The following SLC1A1 variants were observed in gnomAD, a reference collection of about 807,000 sequenced individuals.
The protein encoded by SLC1A1 is solute carrier family 1 member 1, also known as excitatory amino acid transporter 3.
In SLC1A1, 43 loss-of-function variants were observed where a neutral mutation model predicts 53.3. The observed-to-expected ratio is 0.81, with a 90% CI of 0.63 to 1.04. The LOEUF is 1.04. SLC1A1 is among the 50% of genes least tolerant of loss of function. The pLI is 0.00. For missense variants in SLC1A1, 748 were observed against 664.9 expected (o/e 1.12, Z -1.37); for synonymous variants, 307 against 243.2 (o/e 1.26, Z -2.44).
chr9:4,568,635 C>T (rs539895476), intron 6 of SLC1A1, among the ~76,000 whole-genome samples: 21 of 149,976 alleles, frequency 1.4e-4, no homozygotes, highest in Admixed American at 5.3e-4. Context: ...GCAGGAGGAT[C>T]GTTTGAGCTA....
intron 2 of SLC1A1, among the ~76,000 whole-genome samples, chr9:4,552,119 G>T (rs943342608): frequency 6.6e-6 from 1 of 152,174 alleles, no homozygotes; most frequent in Non-Finnish European, 1.5e-5. Context: ...AACCTGATTT[G>T]ATTACTTAAA....
At chr9:4,506,253 G>A (rs927806459) in intron 1 of SLC1A1, among the ~76,000 whole-genome samples, 19 of 152,182 alleles carry the variant, frequency 1.2e-4, no homozygotes, top group African/African-American at 4.1e-4. Context: ...CATCATGCCC[G>A]GCCAAATTAC....
intron 2 of SLC1A1, among the ~76,000 whole-genome samples, chr9:4,561,075 T>A (rs1818894599): frequency 6.6e-6 from 1 of 152,130 alleles, no homozygotes; most frequent in African/African-American, 2.4e-5. Context: ...ATAACTGAAT[T>A]CCAAAGGAGG....
intron 1 of SLC1A1, among the ~76,000 whole-genome samples, chr9:4,515,802 T>C (rs1821142918): frequency 6.6e-6 from 1 of 152,158 alleles, no homozygotes; most frequent in East Asian, 1.9e-4. Flanking sequence ...CTTCCACCTC[T>C]CACAGCTGGC....
intron 1 of SLC1A1, among the ~76,000 whole-genome samples, chr9:4,499,895 C>T (rs1820574285): frequency 6.6e-6 from 1 of 152,140 alleles, no homozygotes; most frequent in Non-Finnish European, 1.5e-5. Context: ...TTTTTGTGTG[C>T]AAATTCAGGA....
chr9:4,580,919 T>C (rs1207625805), intron 10 of SLC1A1, among the ~76,000 whole-genome samples: 1 of 152,184 alleles, frequency 6.6e-6, no homozygotes, highest in East Asian at 1.9e-4. Flanking sequence ...TATTTTACTT[T>C]AAGCTCTGGG....
intron 2 of SLC1A1, among the ~76,000 whole-genome samples, chr9:4,548,361 G>A (rs1009955088): frequency 2.0e-5 from 3 of 152,176 alleles, no homozygotes; most frequent in Non-Finnish European, 4.4e-5. Context: ...TTATTAGGCC[G>A]AAGGAGGATG....
intron 7 of SLC1A1, among the ~76,000 whole-genome samples, chr9:4,572,760 G>T (rs1215905808): frequency 1.3e-5 from 2 of 152,046 alleles, no homozygotes; most frequent in African/African-American, 4.8e-5. Flanking sequence ...TGTTGCCCAG[G>T]CTGATCTCAA....
chr9:4,503,894 C>T (rs889939426), intron 1 of SLC1A1, among the ~76,000 whole-genome samples: 1 of 152,102 alleles, frequency 6.6e-6, no homozygotes, highest in African/African-American at 2.4e-5. Flanking sequence ...TCCCATTGAT[C>T]CCCTAGAAGC....
intron 1 of SLC1A1, among the ~76,000 whole-genome samples, chr9:4,519,510 G>A (rs1815989704): frequency 6.6e-6 from 1 of 152,154 alleles, no homozygotes; most frequent in Non-Finnish European, 1.5e-5. Flanking sequence ...ACTCACACCA[G>A]GCAATAATTT....
chr9:4,583,122 G>A lies in SLC1A1; in HGVS notation c.1278G>A (p.Val426=). 2 of 1,614,204 alleles carry A rather than the reference G, an allele frequency of 1.2e-6. No homozygotes were observed. The highest frequency in any genetic ancestry group is 1.7e-6 in the Non-Finnish European group (2 of 1,180,038). The part of the protein sequence containing the change: ...LVTMVIVLSA[V]GLPAEDVTLI... ...CCATGGTGATTGTGCTGAGTGCCGT[G>A]GGCCTGCCCGCCGAGGATGTCACCC... Residue 426 remains valine, a synonymous_variant, in exon 11 of 12, where the codon GTG becomes GTA. Transcript: ENST00000262352. The surrounding 1 kb of genome is among the most constrained non-coding windows in gnomAD (Gnocchi z 4.6).
chr9:4,531,082 C>A (rs564540849), intron 1 of SLC1A1, among the ~76,000 whole-genome samples: 1 of 152,222 alleles, frequency 6.6e-6, no homozygotes, highest in South Asian at 2.1e-4. Flanking sequence ...GGGGTGGAGC[C>A]AAGATGGCCA....
intron 1 of SLC1A1, among the ~76,000 whole-genome samples, chr9:4,527,492 T>C (rs1280973566): frequency 1.3e-5 from 2 of 152,214 alleles, no homozygotes; most frequent in Non-Finnish European, 2.9e-5. Flanking sequence ...ATGGCATTGA[T>C]TATTCACATT....
chr9:4,576,057 A>C lies in SLC1A1; in HGVS notation c.932A>C (p.Lys311Thr). 3 of 1,613,852 alleles carry C rather than the reference A, an allele frequency of 1.9e-6. No homozygotes were observed. Among genetic ancestry groups the C allele is most frequent in the Non-Finnish European group, 2.5e-6 (3 of 1,179,678 alleles). The change falls in exon 9 of 12, where the codon AAG (lysine) becomes ACG (threonine). Residue 311 changes from lysine (K) to threonine (T), a missense_variant. By Grantham distance (78) the Lys-to-Thr change is moderately conservative. Transcript: ENST00000262352. Reference protein sequence around the residue: ...LPLIYFIVVRKNPFRFAMGMA... With the variant: ...LPLIYFIVVRTNPFRFAMGMA... The stretch of plus-strand genomic sequence containing the variant: ...CTGATATATTTCATAGTCGTACGAA[A>C]GAACCCTTTCCGATTTGCCATGGGA...
chr9:4,490,572 C>G lies in SLC1A1; in HGVS notation c.-108C>G. ...CGACTGCAGCGGCCGGCTCTCACCT[C>G]TCCCCTGTGCACCCGCATCTCGCCG... On this transcript the variant is annotated 5_prime_UTR_variant, in exon 1 of 12. Coordinates refer to ENST00000262352, the MANE Select transcript of SLC1A1 (RefSeq NM_004170.6). The G allele has an allele frequency of 1.2e-6, 1 of 854,236 alleles. No homozygotes were observed. The highest frequency in any genetic ancestry group is 2.8e-5 in the East Asian group (1 of 35,504). 52.9% of individuals were successfully genotyped at this position (854,236 alleles called of 1,614,324 possible). A position where few individuals can be genotyped will look rare whatever the true frequency, so the allele number is the denominator to read the frequency against.
At chr9:4,498,479 T>G (rs572501803) in intron 1 of SLC1A1, among the ~76,000 whole-genome samples, 1 of 152,142 alleles carries the variant, frequency 6.6e-6, no homozygotes, top group African/African-American at 2.4e-5. Flanking sequence ...AGGAATAGCC[T>G]AGTTCCTATA....
chr9:4,534,448 A>G (rs1816597413), intron 1 of SLC1A1, among the ~76,000 whole-genome samples: 1 of 152,214 alleles, frequency 6.6e-6, no homozygotes, highest in Non-Finnish European at 1.5e-5. Flanking sequence ...ACACAAATAA[A>G]CCAGAAAATC....
chr9:4,572,120 A>G (rs1029133296), intron 6 of SLC1A1, 84 bp from the exon 7 acceptor site: 7 of 1,148,960 alleles, frequency 6.1e-6, no homozygotes, highest in Non-Finnish European at 9.2e-6. Context: ...ATGTTTGGTC[A>G]TTGTATCTTC....
intron 1 of SLC1A1, among the ~76,000 whole-genome samples, chr9:4,528,978 C>A (rs1816370129): frequency 6.6e-6 from 1 of 152,062 alleles, no homozygotes; most frequent in Non-Finnish European, 1.5e-5. Context: ...ACCCTGTTAC[C>A]CAAGCTAGAA....
Sources: gnomAD v4.1 joint callset for allele counts (sites outside exome capture counted in the v4.1 genomes callset) on GRCh38, gnomAD v4.1.1 for gene constraint, Gnocchi (gnomAD v3.1) non-coding constraint, MANE v1.5 for transcripts, NCBI Gene and HGNC (gene_info 2026-07-23, HGNC 2026-07-21) for gene names.